The following CMIP variants were observed in gnomAD, a reference collection of about 807,000 sequenced individuals.
CMIP encodes the protein c-Maf inducing protein, also known as C-Maf-inducing protein.
CMIP carries 13 observed loss-of-function variants against 97.3 expected under a neutral mutation model. The ratio of observed to expected loss-of-function variants is 0.13; its 90% CI spans 0.09 to 0.21. CMIP has a LOEUF of 0.21. Ranked by LOEUF, CMIP falls within the 10% of genes least tolerant of loss-of-function variation. CMIP has a pLI of 1.00. For synonymous variants in CMIP, 538 were observed against 436.3 expected (o/e 1.23, Z -2.91); for missense variants, 847 against 1,024.9 (o/e 0.83, Z 2.37).
intron 11 of CMIP, 99 bp downstream of exon 11, chr16:81,691,939 C>G: frequency 1.9e-6 from 2 of 1,066,474 alleles, no homozygotes; most frequent in South Asian, 2.6e-5. Flanking sequence ...TATGGGGAAG[C>G]GAAGTCACAG....
chr16:81,543,923 A>G (rs2090494928), intron 1 of CMIP, among the ~76,000 whole-genome samples: 1 of 152,250 alleles, frequency 6.6e-6, no homozygotes, highest in Non-Finnish European at 1.5e-5. Flanking sequence ...TGCAGGTCTG[A>G]ATCGTATTAT....
chr16:81,548,641 G>C (rs1247009559), intron 1 of CMIP, among the ~76,000 whole-genome samples: 3 of 149,822 alleles, frequency 2.0e-5, no homozygotes, highest in Non-Finnish European at 4.4e-5. Context: ...AGGAGTTGGA[G>C]ACCAGCCTCA....
At chr16:81,687,292 A>G (rs561006410) in intron 10 of CMIP, among the ~76,000 whole-genome samples, 194 of 152,306 alleles carry the variant, frequency 1.3e-3, no homozygotes, top group African/African-American at 4.1e-3. Context: ...GTCCGAGGCA[A>G]GATGGTCAGA....
chr16:81,699,869 A>AT, intron 15 of CMIP, 68 bp downstream of exon 15: 1 of 1,106,068 alleles, frequency 9.0e-7, no homozygotes, highest in Non-Finnish European at 1.3e-6. Flanking sequence ...CCGATAGAGC[A>AT]TCTGCTGGGA....
At chr16:81,606,780 GAGGGCACAGGGAAGGGTGCAAGC>G (rs934761174) in intron 1 of CMIP, among the ~76,000 whole-genome samples, 1 of 152,154 alleles carries the variant, frequency 6.6e-6, no homozygotes, top group African/African-American at 2.4e-5. Flanking sequence ...ACCGGAAAAG[GAGGGCACAGGGAAGGGTGCAAGC>G]AGGTTGGGTC....
At chr16:81,490,295 C>A (rs2089385063) in intron 1 of CMIP, among the ~76,000 whole-genome samples, 1 of 152,216 alleles carries the variant, frequency 6.6e-6, no homozygotes, top group Admixed American at 6.5e-5. Flanking sequence ...AGTGCAGAGG[C>A]CTGATGCTAT....
intron 9 of CMIP, among the ~76,000 whole-genome samples, chr16:81,677,822 C>G (rs929130643): frequency 6.6e-6 from 1 of 152,138 alleles, no homozygotes; most frequent in African/African-American, 2.4e-5. Flanking sequence ...TCCTGGAGGA[C>G]ATTGTGGCAT....
chr16:81,638,173 A>C (rs1223692207), intron 3 of CMIP, among the ~76,000 whole-genome samples: 2 of 152,184 alleles, frequency 1.3e-5, no homozygotes, highest in Admixed American at 6.5e-5. Flanking sequence ...TCCTTTGTAT[A>C]CTTCCTGGGG....
At chr16:81,590,311 G>T (rs978120996) in intron 1 of CMIP, among the ~76,000 whole-genome samples, 9 of 152,094 alleles carry the variant, frequency 5.9e-5, no homozygotes, top group African/African-American at 1.9e-4. Flanking sequence ...AGGCTGTGTT[G>T]CTGGAAGGCA....
At chr16:81,595,005 A>G (rs1185682368) in intron 1 of CMIP, among the ~76,000 whole-genome samples, 3 of 151,578 alleles carry the variant, frequency 2.0e-5, no homozygotes, top group Admixed American at 6.6e-5. Context: ...AAATAGAACA[A>G]TATACTACAA....
chr16:81,548,925 T>C (rs1051694765), intron 1 of CMIP, among the ~76,000 whole-genome samples: 10 of 152,200 alleles, frequency 6.6e-5, no homozygotes, highest in African/African-American at 2.4e-5. Flanking sequence ...GCTTTACACA[T>C]TGACTCCTTC....
intron 1 of CMIP, among the ~76,000 whole-genome samples, chr16:81,467,547 T>C (rs1282235599): frequency 3.9e-5 from 6 of 152,090 alleles, no homozygotes; most frequent in Non-Finnish European, 7.4e-5. Context: ...TCCTGGCCTC[T>C]TCTCTTTTGC....
chr16:81,703,953 T>G lies in CMIP; in HGVS notation c.1959T>G (p.Ala653=). 1.3e-6 allele frequency: 2 copies of G among 1,595,844 alleles called. No homozygotes were observed. The highest frequency in any genetic ancestry group is 1.7e-6 in the Non-Finnish European group (2 of 1,173,124). Residue 653 remains alanine, a synonymous_variant, in exon 18 of 21, where the codon GCT becomes GCG. Transcript: ENST00000537098. ...LPSKSTDADL[A]RLLSSGSFGN... is the part of the protein sequence containing the mutation. ...TCTGCCCGCAGGACGCTGACTTGGC[T>G]CGTTTGCTGAGCTCCGGCTCCTTCG...
intron 3 of CMIP, among the ~76,000 whole-genome samples, chr16:81,648,303 C>T (rs9924118): frequency 0.33 from 49,970 of 151,606 alleles, 8,970 homozygotes; most frequent in Non-Finnish European, 0.4. Flanking sequence ...CTTGACCTCT[C>T]GGGGCCATGA....
chr16:81,611,186 G>A (rs1377753099), intron 2 of CMIP, among the ~76,000 whole-genome samples: 1 of 152,230 alleles, frequency 6.6e-6, no homozygotes, highest in Non-Finnish European at 1.5e-5. Context: ...ATGGCCAAAG[G>A]CTGCTGTGTT....
intron 1 of CMIP, chr16:81,520,376 T>C (rs754656691): frequency 1.3e-5 from 2 of 152,194 alleles, no homozygotes; most frequent in Admixed American, 6.5e-5. Context: ...ATTTCTATGC[T>C]GTAGAGAGTG....
At chr16:81,585,156 A>G (rs2150910271) in intron 1 of CMIP, among the ~76,000 whole-genome samples, 1 of 152,312 alleles carries the variant, frequency 6.6e-6, no homozygotes, top group East Asian at 1.9e-4. Context: ...AGCCTGGCCA[A>G]TATGGCAAAA....
At chr16:81,667,232 CAA>C (rs1567646501) in intron 7 of CMIP, 2 of 152,208 alleles carry the variant, frequency 1.3e-5, no homozygotes, top group Admixed American at 6.5e-5. Flanking sequence ...TTGAGAGTCT[CAA>C]AGAATGTTCT....
intron 1 of CMIP, among the ~76,000 whole-genome samples, chr16:81,580,269 G>A (rs866542675): frequency 3.0e-4 from 46 of 152,274 alleles, no homozygotes; most frequent in Middle Eastern, 3.4e-3. Flanking sequence ...GAGAAGCGAG[G>A]TGCCCTATGT....
Sources: allele counts gnomAD v4.1 joint callset (sites outside exome capture counted in the v4.1 genomes callset), GRCh38; gene constraint gnomAD v4.1.1; transcripts MANE v1.5; gene names NCBI Gene and HGNC (gene_info 2026-07-23, HGNC 2026-07-21).